The following TTLL5 variants were observed in gnomAD, a reference collection of about 807,000 sequenced individuals.
TTLL5 encodes tubulin tyrosine ligase like 5, also known as tubulin polyglutamylase TTLL5.
TTLL5 carries 132 observed loss-of-function variants against 168.4 expected under a neutral mutation model. The ratio of observed to expected loss-of-function variants is 0.78; its 90% CI spans 0.68 to 0.91. The LOEUF (loss-of-function observed/expected upper bound fraction) is 0.91. TTLL5 is among the 40% of genes least tolerant of loss of function. TTLL5 has a pLI of 0.00. For synonymous variants in TTLL5, 546 were observed against 558.6 expected (o/e 0.98, Z 0.32); for missense variants, 1,545 against 1,581.5 (o/e 0.98, Z 0.39).
At chr14:75,709,458 T>G (rs573069633) in intron 9 of TTLL5, 1 of 429,712 alleles carries the variant, frequency 2.3e-6, no homozygotes, top group Admixed American at 3.9e-5. Flanking sequence ...GATTTTGAGT[T>G]TGAGCCCTGG....
chr14:75,743,031 A>G (rs1889368686), intron 15 of TTLL5, among the ~76,000 whole-genome samples: 1 of 152,206 alleles, frequency 6.6e-6, no homozygotes, highest in Non-Finnish European at 1.5e-5. Context: ...TCTAGCCATG[A>G]TTGATGTCAG....
In TTLL5 at chr14:75,920,293, C is replaced by A. The variant is rs563246787; in HGVS notation, c.3823+18069C>A. ...CCCAATTTTTTTTTAAATTTAAGTT[C>A]TAGGGTACAAGTGCACAACGTGTAG... On this transcript the variant is annotated intron_variant, in intron 31 of 31. Transcript: ENST00000298832. Among the ~76,000 whole-genome samples the A allele has an allele frequency of 6.3e-4, 96 of 152,156 alleles. No individual in the cohort carries two copies. In the South Asian group the frequency reaches 9.7e-3, roughly 15 times the overall value.
chr14:75,941,178 T>G (rs1455602288), intron 31 of TTLL5, among the ~76,000 whole-genome samples: 2 of 152,328 alleles, frequency 1.3e-5, no homozygotes, highest in East Asian at 3.9e-4. Flanking sequence ...CAGAGTTCCT[T>G]GGGCTGTCTT....
intron 31 of TTLL5, among the ~76,000 whole-genome samples, chr14:75,903,229 T>C (rs1163173344): frequency 6.6e-6 from 1 of 151,976 alleles, no homozygotes; most frequent in African/African-American, 2.4e-5. Context: ...CGAGCCCAGA[T>C]CTCTAGGGAC....
chr14:75,756,759 C>T (rs538968130), intron 18 of TTLL5, among the ~76,000 whole-genome samples: 3 of 152,162 alleles, frequency 2.0e-5, no homozygotes, highest in South Asian at 2.1e-4. Flanking sequence ...CCACCTACCT[C>T]GACCTCCCAA....
chr14:75,878,222 C>T (rs775163360), intron 29 of TTLL5, among the ~76,000 whole-genome samples: 1 of 152,142 alleles, frequency 6.6e-6, no homozygotes. Context: ...TTCCGTTTGG[C>T]TGCTTATAAC....
intron 14 of TTLL5, among the ~76,000 whole-genome samples, chr14:75,734,506 G>A (rs922738262): frequency 1.1e-4 from 17 of 152,100 alleles, no homozygotes; most frequent in Middle Eastern, 3.2e-3. Context: ...GTGGAGATGC[G>A]CAGTCAGGTG....
chr14:75,703,714 A>G (rs78337465), intron 7 of TTLL5, among the ~76,000 whole-genome samples: 2,389 of 152,138 alleles, frequency 0.016, 80 homozygotes, highest in African/African-American at 0.054. Context: ...GTGTTAGGTC[A>G]CTCTAGTCCC....
At chr14:75,706,921 C>T in intron 7 of TTLL5, 97 bp from the exon 8 acceptor site, 1 of 1,076,804 alleles carries the variant, frequency 9.3e-7, no homozygotes, top group Non-Finnish European at 1.4e-6. Flanking sequence ...AGTTTTCCAC[C>T]TTACCATTTC....
chr14:75,691,947 T>A (rs1438236239), intron 6 of TTLL5, among the ~76,000 whole-genome samples: 1 of 152,234 alleles, frequency 6.6e-6, no homozygotes, highest in African/African-American at 2.4e-5. Flanking sequence ...TTTGTTGCTC[T>A]ATCTGGGGCC....
chr14:75,867,861 G>C (rs2030656811), intron 29 of TTLL5, among the ~76,000 whole-genome samples: 1 of 151,950 alleles, frequency 6.6e-6, no homozygotes, highest in African/African-American at 2.4e-5. Flanking sequence ...TATTGATACA[G>C]CCCAATGCAT....
chr14:75,750,914 TG>T (rs1418919581), intron 17 of TTLL5, among the ~76,000 whole-genome samples: 1 of 152,182 alleles, frequency 6.6e-6, no homozygotes, highest in African/African-American at 2.4e-5. Context: ...CCTTTTGTGA[TG>T]ATATGAGATG....
chr14:75,677,388 CTCTTTTT>C (rs1489177823), intron 3 of TTLL5, among the ~76,000 whole-genome samples: 1,597 of 135,046 alleles, frequency 0.012, 19 homozygotes, highest in African/African-American at 0.041. Flanking sequence ...CTCTCTCTCT[CTCTTTTT>C]TTTTTTTTTT....
chr14:75,860,605 A>G (rs1474566035), intron 28 of TTLL5, among the ~76,000 whole-genome samples: 1 of 152,150 alleles, frequency 6.6e-6, no homozygotes, highest in Non-Finnish European at 1.5e-5. Flanking sequence ...CACCTGCCCT[A>G]ATTGGTGTGG....
At chr14:75,804,036 T>C (rs1893499923) in intron 27 of TTLL5, among the ~76,000 whole-genome samples, 1 of 152,170 alleles carries the variant, frequency 6.6e-6, no homozygotes, top group Non-Finnish European at 1.5e-5. Flanking sequence ...GGGGCTCCAG[T>C]GTGAACGAAT....
At chr14:75,721,852 A>AC (rs1887857425) in intron 12 of TTLL5, among the ~76,000 whole-genome samples, 1 of 152,228 alleles carries the variant, frequency 6.6e-6, no homozygotes, top group East Asian at 1.9e-4. Context: ...GAGGGTCAGT[A>AC]AACAAAGGGA....
rs1391512236 is a variant in TTLL5, at chr14:75,676,540, A to G, written c.182-5005A>G. On this transcript the variant is annotated intron_variant, in intron 3 of 31. Transcript: ENST00000298832. ...TATATATGAACTAAAAATCTCCAGC[A>G]GTGATGTTTGCATTCTGTCATTCCA... Among the ~76,000 whole-genome samples the G allele has an allele frequency of 2.0e-5, 3 of 152,150 alleles. No homozygotes were observed. In the East Asian group the frequency reaches 5.8e-4, roughly 29 times the overall value.
chr14:75,907,336 G>A (rs1386416123), intron 31 of TTLL5, among the ~76,000 whole-genome samples: 2 of 152,186 alleles, frequency 1.3e-5, no homozygotes, highest in Non-Finnish European at 2.9e-5. Context: ...CAGCACTGCC[G>A]TCAGTATTTT....
In TTLL5 at chr14:75,768,308, G is replaced by T. The variant is rs913766717; in HGVS notation, c.2015+1940G>T. Among the ~76,000 whole-genome samples the T allele has an allele frequency of 3.3e-5, 5 of 152,190 alleles. 1 individual carries two copies. The highest frequency in any genetic ancestry group is 9.7e-5 in the African/African-American group (4 of 41,442). On this transcript the variant is annotated intron_variant, in intron 20 of 31. Coordinates refer to ENST00000298832, the MANE Select transcript of TTLL5 (RefSeq NM_015072.5). ...TTTCAGGTCTGTAGAGCCTCAAACA[G>T]CCCTAGTTAGGATGAATAGTGAAAA...
Sources: allele counts gnomAD v4.1 joint callset (sites outside exome capture counted in the v4.1 genomes callset), GRCh38; gene constraint gnomAD v4.1.1; transcripts MANE v1.5; gene names NCBI Gene and HGNC (gene_info 2026-07-23, HGNC 2026-07-21).